Variants in INSIG2 observed in about 807,000 individuals in gnomAD.
INSIG2 encodes the protein insulin-induced gene 2 protein.
In INSIG2, 10 loss-of-function variants were observed where a neutral mutation model predicts 27.2. The ratio of observed to expected loss-of-function variants is 0.37; its 90% CI spans 0.23 to 0.62. The LOEUF (loss-of-function observed/expected upper bound fraction) is 0.62. INSIG2 is among the 20% of genes least tolerant of loss of function. INSIG2 has a pLI of 0.65. For synonymous variants in INSIG2, 97 were observed against 95.8 expected (o/e 1.01, Z -0.07); for missense variants, 178 against 270.2 (o/e 0.66, Z 2.39).
intron 1 of INSIG2, among the ~76,000 whole-genome samples, chr2:118,093,015 TGAGGAGGAG>T (rs779340110): frequency 6.5e-5 from 6 of 91,996 alleles, no homozygotes; most frequent in African/African-American, 1.7e-4. Context: ...ATGATGATGA[TGAGGAGGAG>T]GAGGAGGAGG....
rs1294852125 is a variant in INSIG2 at position 118,107,120 on chromosome 2, T to C, written c.567T>C (p.Arg189=). The change falls in exon 5 of 6, where the codon CGT becomes CGC. Residue 189 remains arginine, a synonymous_variant. Coordinates refer to ENST00000245787, the MANE Select transcript of INSIG2 (RefSeq NM_016133.4). ...QYTSPDFLYV[R]SWLPCIFFAG... is the part of the protein sequence containing the mutation. ...CATCTCCAGATTTCCTCTATGTTCG[T>C]TCTTGGTTACCATGTATATTTTTTG... 1 of 1,613,194 alleles carries C rather than the reference T, an allele frequency of 6.2e-7. No homozygotes were observed. Among genetic ancestry groups the C allele is most frequent in the African/African-American group, 1.3e-5 (1 of 74,908 alleles).
intron 1 of INSIG2, among the ~76,000 whole-genome samples, chr2:118,092,302 G>C (rs1288632002): frequency 6.6e-6 from 1 of 152,124 alleles, no homozygotes; most frequent in African/African-American, 2.4e-5. Context: ...CTTATACAGA[G>C]TGTTAGTTTG....
At chr2:118,089,785 C>T (rs1179921075) in intron 1 of INSIG2, among the ~76,000 whole-genome samples, 1 of 152,094 alleles carries the variant, frequency 6.6e-6, no homozygotes, top group Non-Finnish European at 1.5e-5. Context: ...GATGGTCACA[C>T]GGAAAAGGAA....
At chr2:118,103,093 TAA>T in intron 2 of INSIG2, 102 bp from the exon 3 acceptor site, 1 of 1,003,322 alleles carries the variant, frequency 1.0e-6, no homozygotes, top group Non-Finnish European at 1.4e-6. Flanking sequence ...TTTTTTTTTT[TAA>T]GAATCTTTAA....
At chr2:118,108,233 C>T (rs775627762) in intron 5 of INSIG2, 48 bp from the exon 6 acceptor site, 2 of 1,298,586 alleles carry the variant, frequency 1.5e-6, no homozygotes, top group Admixed American at 4.2e-5. Flanking sequence ...AGTTGCTATT[C>T]AAAAGAAGTC....
chr2:118,102,893 C>A (rs951260433), intron 2 of INSIG2, among the ~76,000 whole-genome samples: 2 of 152,100 alleles, frequency 1.3e-5, no homozygotes, highest in Non-Finnish European at 2.9e-5. Flanking sequence ...CATTTAGTAG[C>A]ACGAATCATT....
intron 1 of INSIG2, among the ~76,000 whole-genome samples, chr2:118,094,327 A>T (rs1163123462): frequency 2.1e-5 from 3 of 142,038 alleles, no homozygotes; most frequent in Admixed American, 2.1e-4. Flanking sequence ...ATGATGATGA[A>T]GGAGAGTTCT....
At chr2:118,099,371 A>G (rs1333541949) in intron 2 of INSIG2, among the ~76,000 whole-genome samples, 1 of 152,232 alleles carries the variant, frequency 6.6e-6, no homozygotes, top group East Asian at 1.9e-4. Context: ...CTTTCTCTAT[A>G]GCACAATCCT....
chr2:118,093,959 G>T (rs369867248), intron 1 of INSIG2, among the ~76,000 whole-genome samples: 30 of 75,546 alleles, frequency 4.0e-4, no homozygotes, highest in East Asian at 1.7e-3. Flanking sequence ...AGGAGGAGGA[G>T]GAGGAGGAGG....
At chr2:118,098,403 G>C (rs1287445025) in intron 2 of INSIG2, among the ~76,000 whole-genome samples, 1 of 152,174 alleles carries the variant, frequency 6.6e-6, no homozygotes, top group Non-Finnish European at 1.5e-5. Context: ...GGGGAGATGA[G>C]GACACTCACT....
In INSIG2 at chr2:118,109,715, A is replaced by G. The variant is rs745347077; in HGVS notation, c.*1393A>G. On this transcript the variant is annotated 3_prime_UTR_variant, in exon 6 of 6. Transcript: ENST00000245787. Reference sequence around the variant, plus strand: ...CACTTTGAGTTTTAAAGCAATTACTATCAGACTGAGATCTTGTATGCCAAA... The same window carrying G: ...CACTTTGAGTTTTAAAGCAATTACTGTCAGACTGAGATCTTGTATGCCAAA... 3.3e-5 allele frequency: 5 copies of G among 151,898 alleles called. No homozygotes were observed. Among genetic ancestry groups the G allele is most frequent in the Non-Finnish European group, 7.4e-5 (5 of 67,946 alleles). 9.4% of individuals were successfully genotyped at this position (151,898 alleles called of 1,614,324 possible). A position where few individuals can be genotyped will look rare whatever the true frequency, so the allele number is the denominator to read the frequency against.
At chr2:118,108,242 T>C in intron 5 of INSIG2, 39 bp from the exon 6 acceptor site, 1 of 1,419,766 alleles carries the variant, frequency 7.0e-7, no homozygotes, top group Non-Finnish European at 9.8e-7. Context: ...TCAAAAGAAG[T>C]CTTAATCTGT....
At position 118,103,241 on chromosome 2, in the gene INSIG2, G is replaced by A; in HGVS notation, c.289G>A (p.Glu97Lys). ...LYPCIDRHLG[E>K]PHKFKREWSS... ...CCCCTGCATTGACAGACATCTAGGA[G>A]AACCACATAAATTTAAAAGAGAGTG... Residue 97 changes from glutamate to lysine, a missense_variant, in exon 3 of 6, where the codon GAA becomes AAA. Transcript: ENST00000245787. 6.2e-7 allele frequency: 1 copy of A among 1,613,798 alleles called. No individual in the cohort carries two copies. The highest frequency in any genetic ancestry group is 8.5e-7 in the Non-Finnish European group (1 of 1,179,816).
rs1678407340 is a variant in INSIG2, at chr2:118,096,517, C to A, written c.-40C>A. On this transcript the variant is annotated 5_prime_UTR_variant, in exon 2 of 6. Coordinates refer to ENST00000245787, the MANE Select transcript of INSIG2 (RefSeq NM_016133.4). ...GAGCTTTTCAGCTGGGAAGCCTTTC[C>A]ATTTTTTTTTTTTTAACGGCTTTCT... 6.7e-7 allele frequency: 1 copy of A among 1,486,122 alleles called. No individual in the cohort carries two copies. Among genetic ancestry groups the A allele is most frequent in the South Asian group, 1.3e-5 (1 of 79,376 alleles). 92.1% of individuals were successfully genotyped at this position (1,486,122 alleles called of 1,614,324 possible). A position where few individuals can be genotyped will look rare whatever the true frequency, so the allele number is the denominator to read the frequency against.
At chr2:118,102,640 A>T (rs1295642724) in intron 2 of INSIG2, 2 of 153,004 alleles carry the variant, frequency 1.3e-5, no homozygotes, top group Non-Finnish European at 2.9e-5. Flanking sequence ...TACATGCTGA[A>T]GACTAAAACG....
chr2:118,100,884 T>TA (rs1156836539), intron 2 of INSIG2, among the ~76,000 whole-genome samples: 2 of 152,154 alleles, frequency 1.3e-5, no homozygotes, highest in Non-Finnish European at 2.9e-5. Flanking sequence ...CACATTCCCA[T>TA]AAAAAAGTGA....
At position 118,096,467 on chromosome 2, in the gene INSIG2, G is replaced by A. The variant is rs1484015751; in HGVS notation, c.-90G>A. ...GGACAAGATGTGGTACCGTTGAAGC[G>A]TCAGTCTTTGATTCACAGACAGTTG... On this transcript the variant is annotated 5_prime_UTR_variant, in exon 2 of 6. Coordinates refer to ENST00000245787, the MANE Select transcript of INSIG2 (RefSeq NM_016133.4). 6.8e-6 allele frequency: 9 copies of A among 1,324,158 alleles called. No homozygotes were observed. In the African/African-American group the frequency reaches 8.9e-5, roughly 13 times the overall value. The allele number at this position is 1,324,158 out of a possible 1,614,324, so 82.0% of individuals were successfully genotyped here. A position where few individuals can be genotyped will look rare whatever the true frequency, so the allele number is the denominator to read the frequency against.
chr2:118,101,058 G>A (rs1347670815), intron 2 of INSIG2, among the ~76,000 whole-genome samples: 1 of 152,020 alleles, frequency 6.6e-6, no homozygotes, highest in African/African-American at 2.4e-5. Flanking sequence ...TTTTACACAG[G>A]CATGATTTTA....
chr2:118,106,150 A>G (rs771840440), intron 3 of INSIG2, among the ~76,000 whole-genome samples: 1 of 152,214 alleles, frequency 6.6e-6, no homozygotes, highest in Non-Finnish European at 1.5e-5. Context: ...TAAAACTAGA[A>G]CAGTTGACAT....
Sources: gnomAD v4.1 joint callset for allele counts (sites outside exome capture counted in the v4.1 genomes callset) on GRCh38, gnomAD v4.1.1 for gene constraint, MANE v1.5 for transcripts, NCBI Gene and HGNC (gene_info 2026-07-23, HGNC 2026-07-21) for gene names.